The following SULF1 variants were observed in gnomAD, a reference collection of about 807,000 sequenced individuals.
SULF1 encodes the protein sulfatase 1, also known as extracellular sulfatase Sulf-1.
Under a neutral mutation model 110.5 loss-of-function variants are expected in SULF1, and 46 were observed. The ratio of observed to expected loss-of-function variants is 0.42; its 90% CI spans 0.33 to 0.53. The LOEUF is 0.53. SULF1 is among the 20% of genes least tolerant of loss of function. The pLI, the probability that SULF1 is intolerant of heterozygous loss-of-function variation, is 0.12. For synonymous variants in SULF1, 371 were observed against 387.1 expected (o/e 0.96, Z 0.49); for missense variants, 941 against 1,094.2 (o/e 0.86, Z 1.98).
At chr8:69,558,824 A>G (rs545795400) in intron 3 of SULF1, among the ~76,000 whole-genome samples, 2 of 152,324 alleles carry the variant, frequency 1.3e-5, no homozygotes, top group African/African-American at 4.8e-5. Flanking sequence ...TATGTGGATT[A>G]TAATTATTAA....
At chr8:69,556,436 C>T (rs1815121980) in intron 3 of SULF1, among the ~76,000 whole-genome samples, 1 of 152,290 alleles carries the variant, frequency 6.6e-6, no homozygotes, top group Middle Eastern at 3.4e-3. Context: ...CAACACTGCC[C>T]CCATCAGTGT....
chr8:69,521,958 G>T (rs572917783), intron 3 of SULF1, among the ~76,000 whole-genome samples: 1 of 151,592 alleles, frequency 6.6e-6, no homozygotes, highest in East Asian at 1.9e-4. Flanking sequence ...TTTGAAGATA[G>T]AGCCAACAGT....
At chr8:69,475,655 T>A (rs1296119376) in intron 1 of SULF1, among the ~76,000 whole-genome samples, 2 of 152,180 alleles carry the variant, frequency 1.3e-5, no homozygotes, top group African/African-American at 4.8e-5. Flanking sequence ...GTGACAATGG[T>A]CATTATGGAA....
At chr8:69,500,210 A>G (rs1288977308) in intron 2 of SULF1, among the ~76,000 whole-genome samples, 1 of 152,214 alleles carries the variant, frequency 6.6e-6, no homozygotes, top group African/African-American at 2.4e-5. Context: ...AGTAATAATG[A>G]TTGCCGATGT....
intron 6 of SULF1, 151 bp from the exon 7 acceptor site, chr8:69,586,206 G>C (rs114438608): frequency 1.5e-6 from 1 of 664,446 alleles, no homozygotes; most frequent in Non-Finnish European, 2.4e-6. Context: ...CAAAGGATTG[G>C]AGTATTACAC....
intron 3 of SULF1, among the ~76,000 whole-genome samples, chr8:69,539,048 C>G (rs559614690): frequency 2.6e-5 from 4 of 152,184 alleles, no homozygotes; most frequent in Non-Finnish European, 4.4e-5. Flanking sequence ...AGCTGGATCC[C>G]GTCTAGTGTC....
At chr8:69,583,651 T>C (rs192790142) in intron 6 of SULF1, among the ~76,000 whole-genome samples, 1 of 152,260 alleles carries the variant, frequency 6.6e-6, no homozygotes, top group African/African-American at 2.4e-5. Context: ...CAGAATACAT[T>C]GGATTCATGA....
intron 3 of SULF1, among the ~76,000 whole-genome samples, chr8:69,531,258 T>C (rs910426295): frequency 2.0e-5 from 3 of 152,202 alleles, no homozygotes; most frequent in Non-Finnish European, 2.9e-5. Flanking sequence ...AAAAACTCTT[T>C]TAGCTTTATG....
At chr8:69,642,454 A>G (rs7814130) in intron 22 of SULF1, 386,046 of 958,884 alleles carry the variant, frequency 0.4, 79,112 homozygotes, top group African/African-American at 0.57. Context: ...ACTGTCCTCA[A>G]TCTGCCCCAC....
Position 69,660,060 on chromosome 8 carries a change from G to T in SULF1, c.*1525G>T, listed in dbSNP as rs1813009746. On this transcript the variant is annotated 3_prime_UTR_variant, in exon 23 of 23. Coordinates refer to ENST00000402687, the MANE Select transcript of SULF1 (RefSeq NM_001128205.2). ...TAAATAAATAAGTAAACAAAATGAA[G>T]ATTGCCTGCTCTCTCTGTGCCTAGC... 6.6e-6 allele frequency: 1 copy of T among 152,556 alleles called. No individual in the cohort carries two copies. The highest frequency in any genetic ancestry group is 1.5e-5 in the Non-Finnish European group (1 of 68,028). 9.5% of individuals were successfully genotyped at this position (152,556 alleles called of 1,614,324 possible).
chr8:69,535,251 C>T (rs2150653548), intron 3 of SULF1, among the ~76,000 whole-genome samples: 1 of 152,326 alleles, frequency 6.6e-6, no homozygotes, highest in African/African-American at 2.4e-5. Flanking sequence ...GCTCCAGCTT[C>T]ACATCTTCAC....
chr8:69,640,453 G>A (rs114856377), intron 21 of SULF1, among the ~76,000 whole-genome samples: 2,672 of 152,118 alleles, frequency 0.018, 70 homozygotes, highest in African/African-American at 0.06. Flanking sequence ...TTATTAGCCC[G>A]TTTTTTTCCA....
At chr8:69,489,571 CTTTTTT>C (rs61391745), upstream of SULF1, among the ~76,000 whole-genome samples, 18 of 91,962 alleles carry the variant, frequency 2.0e-4, no homozygotes, top group Non-Finnish European at 3.7e-4. Flanking sequence ...CTTTCTTTCT[CTTTTTT>C]TTTTTTTTTT....
intron 8 of SULF1, among the ~76,000 whole-genome samples, chr8:69,590,443 G>A (rs1243384292): frequency 6.6e-6 from 1 of 152,194 alleles, no homozygotes; most frequent in African/African-American, 2.4e-5. Context: ...GGGATTACAG[G>A]CATGAGCCAC....
chr8:69,615,513 T>A (rs1809025512), intron 13 of SULF1, among the ~76,000 whole-genome samples: 1 of 152,326 alleles, frequency 6.6e-6, no homozygotes, highest in East Asian at 1.9e-4. Context: ...GGGTCCATGG[T>A]AGAAAAAATA....
At chr8:69,627,402 C>A in intron 16 of SULF1, 96 bp downstream of exon 16, 4 of 794,022 alleles carry the variant, frequency 5.0e-6, no homozygotes, top group Non-Finnish European at 8.3e-6. Flanking sequence ...AGATACACAT[C>A]ATCTATAATT....
chr8:69,505,088 A>G (rs995741135), intron 3 of SULF1, among the ~76,000 whole-genome samples: 4 of 152,252 alleles, frequency 2.6e-5, no homozygotes, highest in African/African-American at 9.6e-5. Context: ...TCAAGGAGAT[A>G]CTATAAGCAA....
Position 69,579,239 on chromosome 8 carries a change from G to A in SULF1, c.412+3030G>A, listed in dbSNP as rs367913916. On this transcript the variant is annotated intron_variant, in intron 6 of 22. Transcript: ENST00000402687. The stretch of plus-strand genomic sequence containing the variant: ...GGCTCAGGAAAACAAATCTAGATTT[G>A]CCTATTAGTAAATCAGAAAAAATAA... Among the ~76,000 whole-genome samples, 16 of 149,818 alleles carry A rather than the reference G, an allele frequency of 1.1e-4. No individual in the cohort carries two copies. The East Asian group carries it at 2.2e-3, about 21-fold the overall frequency.
chr8:69,476,294 C>T (rs1809296133), intron 1 of SULF1, among the ~76,000 whole-genome samples: 1 of 152,098 alleles, frequency 6.6e-6, no homozygotes, highest in Admixed American at 6.6e-5. Flanking sequence ...TTTCTATCCC[C>T]TTTTGTTTTG....
Sources: allele counts gnomAD v4.1 joint callset (sites outside exome capture counted in the v4.1 genomes callset), GRCh38; gene constraint gnomAD v4.1.1; transcripts MANE v1.5; gene names NCBI Gene and HGNC (gene_info 2026-07-23, HGNC 2026-07-21).